COBLL1: variants seen among roughly 807,000 people sequenced by gnomAD.
COBLL1 encodes cordon-bleu WH2 repeat protein like 1, also known as cordon-bleu protein-like 1.
COBLL1 carries 50 observed loss-of-function variants against 94.8 expected under a neutral mutation model. The ratio of observed to expected loss-of-function variants is 0.53; its 90% CI spans 0.42 to 0.67. The LOEUF is 0.67. COBLL1 is among the 30% of genes least tolerant of loss of function. The pLI is 0.00. For missense variants in COBLL1, 1,362 were observed against 1,348.7 expected, an observed-to-expected ratio of 1.01 and a Z score of -0.15; for synonymous variants, 448 against 473.8, an observed-to-expected ratio of 0.95 and a Z score of 0.71.
At chr2:164,675,256 G>T (rs543714595), downstream of COBLL1, among the ~76,000 whole-genome samples, 1 of 152,286 alleles carries the variant, frequency 6.6e-6, no homozygotes, top group African/African-American at 2.4e-5. Context: ...ATACACCGTT[G>T]TCTCATACCA....
chr2:164,668,131 CT>C (rs536015961), intron 1 of COBLL1, among the ~76,000 whole-genome samples: 360 of 152,054 alleles, frequency 2.4e-3, no homozygotes, highest in Non-Finnish European at 4.1e-3. Context: ...TCCCTGCTAA[CT>C]TTTGTATTTT....
intron 2 of COBLL1, among the ~76,000 whole-genome samples, chr2:164,806,897 G>T (rs888670942): frequency 6.6e-6 from 1 of 151,974 alleles, no homozygotes; most frequent in African/African-American, 2.4e-5. Flanking sequence ...AACAGAAACA[G>T]TGTCTCACTA....
intron 7 of COBLL1, chr2:164,721,840 A>T: frequency 7.1e-6 from 2 of 282,936 alleles, no homozygotes; most frequent in Non-Finnish European, 1.3e-5. Flanking sequence ...AGTTACTTAA[A>T]ATGGACATTT....
intron 2 of COBLL1, among the ~76,000 whole-genome samples, chr2:164,658,691 G>A (rs1691020748): frequency 6.6e-6 from 1 of 152,182 alleles, no homozygotes; most frequent in Non-Finnish European, 1.5e-5. Flanking sequence ...GAAAGATTTG[G>A]TGAAGGGTTT....
chr2:164,688,139 T>C (rs551427089), intron 13 of COBLL1, among the ~76,000 whole-genome samples: 1 of 152,336 alleles, frequency 6.6e-6, no homozygotes, highest in Non-Finnish European at 1.5e-5. Flanking sequence ...GATTCCATTT[T>C]GTAAATTAAA....
chr2:164,826,229 C>T (rs1685421943), intron 2 of COBLL1, among the ~76,000 whole-genome samples: 1 of 152,190 alleles, frequency 6.6e-6, no homozygotes, highest in East Asian at 1.9e-4. Flanking sequence ...CATTTTTCTC[C>T]TCTAAAAGGG....
chr2:164,835,520 G>C (rs1469291867), intron 2 of COBLL1, among the ~76,000 whole-genome samples: 1 of 152,132 alleles, frequency 6.6e-6, no homozygotes, highest in Non-Finnish European at 1.5e-5. Context: ...ATTGTTTAAT[G>C]GGTATAGGGT....
rs374586837 is a variant in COBLL1 at position 164,823,581 on chromosome 2, A to G, written c.41+17575T>C. On this transcript the variant is annotated intron_variant, in intron 2 of 13. Coordinates refer to ENST00000652658, the MANE Select transcript of COBLL1 (RefSeq NM_001365672.2). ...TGGTGAGCACCAAGGCTATACTTGA[A>G]TAATTGCATACCCCTGAACTAAGTG... 2.2e-4 allele frequency among the ~76,000 whole-genome samples: 34 copies of G among 152,296 alleles called. No individual in the cohort carries two copies. In the East Asian group the frequency reaches 5.4e-3, roughly 24 times the overall value.
chr2:164,702,669 A>G (rs1374393533), intron 9 of COBLL1, among the ~76,000 whole-genome samples: 1 of 151,970 alleles, frequency 6.6e-6, no homozygotes. Flanking sequence ...TTTTTATTAT[A>G]AGGTCTTGCT....
chr2:164,761,762 A>G, intron 2 of COBLL1, among the ~76,000 whole-genome samples: 1 of 152,208 alleles, frequency 6.6e-6, no homozygotes, highest in East Asian at 1.9e-4. Flanking sequence ...TCCATATACA[A>G]CACAGTAAGA....
At chr2:164,719,302 A>G (rs1685333714) in intron 7 of COBLL1, among the ~76,000 whole-genome samples, 2 of 152,188 alleles carry the variant, frequency 1.3e-5, no homozygotes, top group African/African-American at 4.8e-5. Flanking sequence ...AGTCAATAGC[A>G]ACTGTGAATT....
At chr2:164,768,008 GA>G (rs1688018825) in intron 2 of COBLL1, among the ~76,000 whole-genome samples, 4 of 152,154 alleles carry the variant, frequency 2.6e-5, no homozygotes, top group African/African-American at 9.7e-5. Flanking sequence ...ATGTATTACT[GA>G]GGGACTGGAA....
intron 4 of COBLL1, 44 bp from the exon 5 acceptor site, chr2:164,728,241 A>G (rs1327063446): frequency 8.3e-7 from 1 of 1,197,904 alleles, no homozygotes; most frequent in East Asian, 2.3e-5. Context: ...AATTCACTGA[A>G]ACAAACACTC....
chr2:164,830,679 A>G (rs1427079676), intron 2 of COBLL1, among the ~76,000 whole-genome samples: 1 of 152,178 alleles, frequency 6.6e-6, no homozygotes, highest in Non-Finnish European at 1.5e-5. Flanking sequence ...AATTTACGAC[A>G]TACTTCTACA....
intron 7 of COBLL1, among the ~76,000 whole-genome samples, chr2:164,707,478 A>C: frequency 6.6e-6 from 1 of 152,228 alleles, no homozygotes; most frequent in African/African-American, 2.4e-5. Flanking sequence ...CCTGACTCCC[A>C]ACATTTCTTA....
At chr2:164,665,332 AAAAAAAAAAG>A (rs1231763024) in intron 2 of COBLL1, among the ~76,000 whole-genome samples, 1 of 142,188 alleles carries the variant, frequency 7.0e-6, no homozygotes, top group East Asian at 2.0e-4. Flanking sequence ...TTCTGTGTCA[AAAAAAAAAAG>A]AAAGAAAGAA....
At chr2:164,765,480 TA>T (rs1687886087) in intron 2 of COBLL1, among the ~76,000 whole-genome samples, 1 of 152,140 alleles carries the variant, frequency 6.6e-6, no homozygotes, top group Non-Finnish European at 1.5e-5. Context: ...GCTAATGCCA[TA>T]AAAGGTATTT....
chr2:164,763,128 A>G (rs1201958259), intron 2 of COBLL1, among the ~76,000 whole-genome samples: 4 of 152,186 alleles, frequency 2.6e-5, no homozygotes, highest in Non-Finnish European at 5.9e-5. Context: ...AGAGCCTGCA[A>G]AGTCTAAAAT....
intron 1 of COBLL1, among the ~76,000 whole-genome samples, chr2:164,667,269 C>G (rs1481075690): frequency 2.0e-5 from 3 of 152,044 alleles, no homozygotes; most frequent in African/African-American, 7.2e-5. Context: ...GTGCTGTCAT[C>G]CATGCTTTGG....
Sources: allele counts gnomAD v4.1 joint callset (sites outside exome capture counted in the v4.1 genomes callset), GRCh38; gene constraint gnomAD v4.1.1; transcripts MANE v1.5; gene names NCBI Gene and HGNC (gene_info 2026-07-23, HGNC 2026-07-21).